DLG2: variants seen among roughly 807,000 people sequenced by gnomAD.
DLG2 encodes the protein disks large homolog 2.
DLG2 carries 45 observed loss-of-function variants against 132.5 expected under a neutral mutation model. The ratio of observed to expected loss-of-function variants is 0.34; its 90% CI spans 0.27 to 0.44. DLG2 has a LOEUF of 0.44. DLG2 is among the 20% of genes least tolerant of loss of function. The probability of loss-of-function intolerance (pLI) is 1.00; values close to 1 mark genes in which losing one functional copy is unlikely to be tolerated. For missense variants in DLG2, 1,045 were observed against 1,196.9 expected (o/e 0.87, Z 1.87); for synonymous variants, 424 against 419.6 (o/e 1.01, Z -0.13).
chr11:83,751,606 G>A (rs1351811193), intron 18 of DLG2, among the ~76,000 whole-genome samples: 1 of 152,174 alleles, frequency 6.6e-6, no homozygotes, highest in East Asian at 1.9e-4. Context: ...AATCTAAGGT[G>A]TAGCTGATCA....
In DLG2 at chr11:84,313,089, G is replaced by GT. The variant is rs2098307362; in HGVS notation, c.520-61799dup. ...CTCCCAAAGTGCTGGGATTACAGGC[G>GT]TGAGTCACTGCACCTGGCCAATTTT... is the stretch of plus-strand genomic sequence containing the variant. On this transcript the variant is annotated intron_variant, in intron 7 of 27. Coordinates refer to ENST00000376104, the MANE Select transcript of DLG2 (RefSeq NM_001142699.3). Among the ~76,000 whole-genome samples the GT allele has an allele frequency of 2.0e-5, 3 of 152,002 alleles. No individual in the cohort carries two copies. The South Asian group carries it at 6.2e-4, about 31-fold the overall frequency.
chr11:84,796,840 T>TTTAA (rs1184290512), intron 6 of DLG2, among the ~76,000 whole-genome samples: 1 of 117,592 alleles, frequency 8.5e-6, no homozygotes, highest in Non-Finnish European at 1.8e-5. Flanking sequence ...TTTATTATAT[T>TTTAA]TTATTTATTT....
At chr11:84,331,450 A>ATAAAT (rs199897172) in intron 7 of DLG2, among the ~76,000 whole-genome samples, 64 of 138,510 alleles carry the variant, frequency 4.6e-4, no homozygotes, top group African/African-American at 1.5e-3. Flanking sequence ...TCAAAAAAAA[A>ATAAAT]AAAAAAAAAA....
At chr11:84,288,646 T>C (rs2097942595) in intron 7 of DLG2, among the ~76,000 whole-genome samples, 1 of 152,040 alleles carries the variant, frequency 6.6e-6, no homozygotes, top group African/African-American at 2.4e-5. Context: ...CAAATGAAAT[T>C]GCATAGAGAA....
At chr11:83,889,926 C>T (rs1300747787) in intron 15 of DLG2, among the ~76,000 whole-genome samples, 1 of 126,582 alleles carries the variant, frequency 7.9e-6, no homozygotes, top group Non-Finnish European at 1.5e-5. Context: ...CACATGGACA[C>T]AGGAAGGGGA....
chr11:84,713,896 A>T (rs977524684), intron 6 of DLG2, among the ~76,000 whole-genome samples: 1 of 152,216 alleles, frequency 6.6e-6, no homozygotes, highest in East Asian at 1.9e-4. Context: ...CAAAATATCA[A>T]AAGGATGGTT....
intron 6 of DLG2, among the ~76,000 whole-genome samples, chr11:84,930,776 T>A (rs972474997): frequency 2.6e-4 from 40 of 152,124 alleles, no homozygotes; most frequent in Non-Finnish European, 5.0e-4. Flanking sequence ...CAATTTATAT[T>A]CATGTGCAAG....
chr11:85,557,312 C>A (rs2076995182), intron 3 of DLG2, among the ~76,000 whole-genome samples: 3 of 151,688 alleles, frequency 2.0e-5, no homozygotes, highest in Admixed American at 2.0e-4. Flanking sequence ...ACGGATGACA[C>A]AAATAAATGG....
chr11:84,864,552 C>A (rs528635895), intron 6 of DLG2, among the ~76,000 whole-genome samples: 1 of 152,222 alleles, frequency 6.6e-6, no homozygotes, highest in East Asian at 1.9e-4. Context: ...TATTTGCACC[C>A]ACTGTATTCT....
At chr11:84,406,238 T>A (rs2098848646) in intron 7 of DLG2, among the ~76,000 whole-genome samples, 1 of 152,156 alleles carries the variant, frequency 6.6e-6, no homozygotes, top group African/African-American at 2.4e-5. Flanking sequence ...AGGTCTCTCT[T>A]CTCTGTCTGC....
intron 17 of DLG2, among the ~76,000 whole-genome samples, chr11:83,825,339 G>A (rs1004084211): frequency 2.0e-5 from 3 of 151,192 alleles, no homozygotes; most frequent in Non-Finnish European, 4.4e-5. Context: ...GCACCACCAC[G>A]TCCGGCTAAT....
At chr11:84,074,240 A>G (rs1193051127) in intron 10 of DLG2, among the ~76,000 whole-genome samples, 1 of 152,180 alleles carries the variant, frequency 6.6e-6, no homozygotes, top group Non-Finnish European at 1.5e-5. Context: ...ACTCCTCACA[A>G]AAGACACCAT....
In DLG2 at chr11:83,930,795, G is replaced by A. The variant is rs147435638; in HGVS notation, c.1341-312C>T. The stretch of plus-strand genomic sequence containing the variant: ...GTTTAGCCAGAATTCTTGAAATTTT[G>A]TTCTCTCCCATTTCCTCCGTTTACT... On this transcript the variant is annotated intron_variant, in intron 14 of 27. Transcript: ENST00000376104. Among the ~76,000 whole-genome samples, 426 of 152,236 alleles carry A rather than the reference G, an allele frequency of 2.8e-3. 1 individual carries two copies. Among genetic ancestry groups the A allele is most frequent in the African/African-American group, 7.2e-3 (299 of 41,544 alleles).
intron 3 of DLG2, among the ~76,000 whole-genome samples, chr11:85,491,000 G>T (rs2093547990): frequency 1.3e-5 from 2 of 152,164 alleles, no homozygotes; most frequent in South Asian, 2.1e-4. Context: ...TATCCCTGAT[G>T]AATATATACA....
chr11:84,506,502 G>A (rs1434627039), intron 7 of DLG2, among the ~76,000 whole-genome samples: 1 of 152,174 alleles, frequency 6.6e-6, no homozygotes, highest in Non-Finnish European at 1.5e-5. Context: ...GATGGACAAA[G>A]AGGCCATAAG....
intron 6 of DLG2, among the ~76,000 whole-genome samples, chr11:84,792,435 C>T (rs949672437): frequency 1.3e-5 from 2 of 151,844 alleles, no homozygotes; most frequent in South Asian, 2.1e-4. Context: ...TAATACTGGC[C>T]GTATAGAATG....
chr11:85,090,561 T>C (rs767961915), intron 6 of DLG2, among the ~76,000 whole-genome samples: 7 of 152,234 alleles, frequency 4.6e-5, no homozygotes, highest in Non-Finnish European at 1.0e-4. Flanking sequence ...TTGGATCTCA[T>C]CCATTCCCAT....
chr11:85,399,972 A>C (rs2087877839), intron 3 of DLG2, among the ~76,000 whole-genome samples: 1 of 152,048 alleles, frequency 6.6e-6, no homozygotes, highest in African/African-American at 2.4e-5. Context: ...AGCAAAAGAA[A>C]CTACCATCAG....
At chr11:84,185,895 T>A (rs1384184469) in intron 8 of DLG2, among the ~76,000 whole-genome samples, 1 of 152,180 alleles carries the variant, frequency 6.6e-6, no homozygotes, top group African/African-American at 2.4e-5. Flanking sequence ...TTTGGGATTG[T>A]CTTTGTTTCC....
Sources: gnomAD v4.1 joint callset for allele counts (sites outside exome capture counted in the v4.1 genomes callset) on GRCh38, gnomAD v4.1.1 for gene constraint, MANE v1.5 for transcripts, NCBI Gene and HGNC (gene_info 2026-07-23, HGNC 2026-07-21) for gene names.